ARHGAP31: variants seen among roughly 807,000 people sequenced by gnomAD.
ARHGAP31 encodes the protein Rho GTPase activating protein 31, also known as rho GTPase-activating protein 31.
A neutral mutation model predicts 113.9 loss-of-function variants in ARHGAP31; 34 were observed. The observed-to-expected ratio is 0.30, with a 90% CI of 0.23 to 0.40. ARHGAP31 has a LOEUF of 0.40. ARHGAP31 is among the 10% of genes least tolerant of loss of function. ARHGAP31 has a pLI of 1.00. For synonymous variants in ARHGAP31, 650 were observed against 684.8 expected (o/e 0.95, Z 0.79); for missense variants, 1,548 against 1,767.1 (o/e 0.88, Z 2.22).
At chr3:119,374,255 C>T (rs923970682) in intron 3 of ARHGAP31, among the ~76,000 whole-genome samples, 49 of 152,192 alleles carry the variant, frequency 3.2e-4, no homozygotes, top group Admixed American at 1.4e-3. Context: ...AATGAGTTCT[C>T]GCTTAGTTCA....
chr3:119,295,578 C>G (rs556336506), intron 1 of ARHGAP31, among the ~76,000 whole-genome samples: 11 of 152,066 alleles, frequency 7.2e-5, no homozygotes, highest in African/African-American at 2.4e-4. Context: ...ACCTCCACCC[C>G]CTTTCCACAA....
chr3:119,386,837 GAGA>G (rs1391538438), intron 6 of ARHGAP31, among the ~76,000 whole-genome samples: 3 of 152,258 alleles, frequency 2.0e-5, no homozygotes, highest in Non-Finnish European at 2.9e-5. Context: ...AGCTGAGACA[GAGA>G]AGGAGAGGAG....
At position 119,312,743 on chromosome 3, in the gene ARHGAP31, C is replaced by T. The variant is rs373685431; in HGVS notation, c.100+17739C>T. On this transcript the variant is annotated intron_variant, in intron 1 of 11. Transcript: ENST00000264245. ...TCTAATTCGGTATAATGGAGCTTTC[C>T]GCAAAGATGGAAACTTGCTCTATCT... Among the ~76,000 whole-genome samples the T allele has an allele frequency of 6.6e-5, 10 of 152,238 alleles. No individual in the cohort carries two copies. The East Asian group carries it at 1.2e-3, about 18-fold the overall frequency.
intron 6 of ARHGAP31, among the ~76,000 whole-genome samples, chr3:119,385,504 T>G (rs2080441876): frequency 6.6e-6 from 1 of 152,176 alleles, no homozygotes; most frequent in Non-Finnish European, 1.5e-5. Context: ...AACTCTCCAG[T>G]TATAGATTTT....
chr3:119,350,404 A>T (rs994974283), intron 1 of ARHGAP31, among the ~76,000 whole-genome samples: 1 of 152,208 alleles, frequency 6.6e-6, no homozygotes, highest in African/African-American at 2.4e-5. Context: ...TAGCTGGCCC[A>T]AGATGACGTC....
At chr3:119,334,243 A>C (rs1576998937) in intron 1 of ARHGAP31, among the ~76,000 whole-genome samples, 3 of 149,008 alleles carry the variant, frequency 2.0e-5, no homozygotes, top group African/African-American at 2.5e-5. Flanking sequence ...CTTGGCCCCC[A>C]CTCCAGCCCC....
chr3:119,360,848 A>G (rs1034996274), intron 1 of ARHGAP31, among the ~76,000 whole-genome samples: 1 of 152,162 alleles, frequency 6.6e-6, no homozygotes, highest in Non-Finnish European at 1.5e-5. Context: ...AAATGATTCT[A>G]AGAAGCTATG....
chr3:119,304,295 A>C (rs1458716826), intron 1 of ARHGAP31, among the ~76,000 whole-genome samples: 1 of 152,214 alleles, frequency 6.6e-6, no homozygotes, highest in African/African-American at 2.4e-5. Context: ...GAGGATGAGC[A>C]AGCAGGGGAT....
In ARHGAP31 at chr3:119,383,084, G is replaced by A. The variant is rs1451368293; in HGVS notation, c.540G>A (p.Arg180=). 2 of 1,614,020 alleles carry A rather than the reference G, an allele frequency of 1.2e-6. No individual in the cohort carries two copies. The highest frequency in any genetic ancestry group is 1.3e-5 in the African/African-American group (1 of 74,938). ...LALVWAPNLL[R]SKEIEATGCN... is the part of the protein sequence containing the mutation. ...TGAATATGTTTCTTCCACACGGTAGGTCTAAAGAAATTGAAGCCACTGGTT... is the reference window on the plus strand; with the variant it reads ...TGAATATGTTTCTTCCACACGGTAGATCTAAAGAAATTGAAGCCACTGGTT... The change falls in exon 6 of 12, where the codon AGG becomes AGA. Residue 180 remains arginine, a splice_region_variant and synonymous_variant. Coordinates refer to ENST00000264245, the MANE Select transcript of ARHGAP31 (RefSeq NM_020754.4).
At chr3:119,336,410 G>A (rs1237273808) in intron 1 of ARHGAP31, among the ~76,000 whole-genome samples, 3 of 151,664 alleles carry the variant, frequency 2.0e-5, no homozygotes, top group African/African-American at 4.9e-5. Flanking sequence ...CACTGACCAC[G>A]TCAGCAGGGA....
intron 1 of ARHGAP31, among the ~76,000 whole-genome samples, chr3:119,344,778 T>G (rs886537091): frequency 6.6e-6 from 1 of 152,006 alleles, no homozygotes; most frequent in Non-Finnish European, 1.5e-5. Flanking sequence ...ACCACAAGCA[T>G]GTACAACCAC....
chr3:119,387,489 G>C (rs1264868136), intron 6 of ARHGAP31, among the ~76,000 whole-genome samples: 1 of 152,048 alleles, frequency 6.6e-6, no homozygotes, highest in African/African-American at 2.4e-5. Flanking sequence ...TATTATACTG[G>C]AACAGCTCGT....
chr3:119,379,241 A>G (rs2080375033), intron 3 of ARHGAP31, among the ~76,000 whole-genome samples: 1 of 152,218 alleles, frequency 6.6e-6, no homozygotes, highest in Non-Finnish European at 1.5e-5. Context: ...ACAATAAGCA[A>G]TAACTCCAAT....
chr3:119,314,048 T>G (rs371438269), intron 1 of ARHGAP31, among the ~76,000 whole-genome samples: 118 of 152,344 alleles, frequency 7.7e-4, no homozygotes, highest in African/African-American at 2.8e-3. Context: ...CACATGCAGA[T>G]ACCTGCTTCC....
intron 1 of ARHGAP31, among the ~76,000 whole-genome samples, chr3:119,363,652 G>A (rs1301561314): frequency 6.6e-6 from 1 of 152,146 alleles, no homozygotes; most frequent in Non-Finnish European, 1.5e-5. Context: ...TCATAATAGG[G>A]AATTCAGGTA....
chr3:119,346,303 C>T (rs2080056303), intron 1 of ARHGAP31, among the ~76,000 whole-genome samples: 1 of 152,200 alleles, frequency 6.6e-6, no homozygotes, highest in South Asian at 2.1e-4. Context: ...TAAACAAACC[C>T]CTCCTTCTTG....
intron 10 of ARHGAP31, among the ~76,000 whole-genome samples, chr3:119,407,778 G>T (rs532685268): frequency 6.6e-6 from 1 of 152,208 alleles, no homozygotes; most frequent in Non-Finnish European, 1.5e-5. Flanking sequence ...AGAGTGCAAG[G>T]CCTGGCAGGG....
At chr3:119,377,725 T>G (rs533210349) in intron 3 of ARHGAP31, among the ~76,000 whole-genome samples, 6 of 151,918 alleles carry the variant, frequency 3.9e-5, no homozygotes, top group African/African-American at 1.4e-4. Flanking sequence ...AGGTTAACTT[T>G]CCTTGTACAT....
chr3:119,353,349 T>C (rs1308269828), intron 1 of ARHGAP31, among the ~76,000 whole-genome samples: 1 of 152,260 alleles, frequency 6.6e-6, no homozygotes, highest in Non-Finnish European at 1.5e-5. Context: ...TTACAATTTT[T>C]GTGCCTGTCT....
Sources: gnomAD v4.1 joint callset for allele counts (sites outside exome capture counted in the v4.1 genomes callset) on GRCh38, gnomAD v4.1.1 for gene constraint, MANE v1.5 for transcripts, NCBI Gene and HGNC (gene_info 2026-07-23, HGNC 2026-07-21) for gene names.